Variants in PCDH9 observed in about 807,000 individuals in gnomAD.
The protein encoded by PCDH9 is protocadherin 9.
Under a neutral mutation model 70.6 loss-of-function variants are expected in PCDH9, and 24 were observed. That is an observed-to-expected ratio of 0.34 (90% CI 0.25 to 0.48). The LOEUF (loss-of-function observed/expected upper bound fraction) is 0.48, where lower values mean the gene tolerates loss of function less well. Ranked by LOEUF, PCDH9 falls within the 20% of genes least tolerant of loss-of-function variation. The pLI is 0.99. For missense variants in PCDH9, 1,281 were observed against 1,503.6 expected (o/e 0.85, Z 2.45); for synonymous variants, 562 against 558.5 (o/e 1.01, Z -0.09).
intron 3 of PCDH9, among the ~76,000 whole-genome samples, chr13:66,779,911 T>C (rs2079970724): frequency 8.6e-6 from 1 of 115,790 alleles, no homozygotes; most frequent in East Asian, 2.7e-4. Flanking sequence ...GTCCGATATA[T>C]AGAGCTAGAG....
chr13:66,627,993 A>G (rs1468584615), intron 4 of PCDH9, among the ~76,000 whole-genome samples: 1 of 152,208 alleles, frequency 6.6e-6, no homozygotes, highest in Non-Finnish European at 1.5e-5. Context: ...ATACTTTAAA[A>G]GCTAGGAAAA....
chr13:66,564,580 C>G (rs2076624975), intron 4 of PCDH9, among the ~76,000 whole-genome samples: 1 of 152,034 alleles, frequency 6.6e-6, no homozygotes, highest in Non-Finnish European at 1.5e-5. Flanking sequence ...CACTGACAAA[C>G]TAAAATCAAC....
intron 2 of PCDH9, among the ~76,000 whole-genome samples, chr13:67,166,416 C>A (rs746140132): frequency 6.6e-6 from 1 of 152,084 alleles, no homozygotes; most frequent in Non-Finnish European, 1.5e-5. Flanking sequence ...ATGATACAAC[C>A]TTGAACAAGT....
intron 4 of PCDH9, among the ~76,000 whole-genome samples, chr13:66,495,587 T>C (rs1959103644): frequency 6.6e-6 from 1 of 152,100 alleles, no homozygotes; most frequent in African/African-American, 2.4e-5. Context: ...AATACATACA[T>C]ACATACATAC....
chr13:66,751,059 C>A (rs1014077757), intron 3 of PCDH9, among the ~76,000 whole-genome samples: 2 of 152,118 alleles, frequency 1.3e-5, no homozygotes, highest in Non-Finnish European at 2.9e-5. Flanking sequence ...CATTCTCATG[C>A]TTTTACTTAA....
chr13:67,040,685 T>TA (rs890096164), intron 2 of PCDH9, among the ~76,000 whole-genome samples: 2 of 151,732 alleles, frequency 1.3e-5, no homozygotes, highest in African/African-American at 4.8e-5. Context: ...ACATTTAGGT[T>TA]AAAAAAAATA....
rs1257636702 is a variant in PCDH9 at position 66,309,284 on chromosome 13, ATAAATTGG to A, written c.3341-4264_3341-4257del. On this transcript the variant is annotated intron_variant, in intron 4 of 4. Transcript: ENST00000377865. ...TGTTTTCTTCCTTAAAGTCAGTGTCATAAATTGGTAAAAAGAAAAAGTATATGTTTTTT... is the reference window on the plus strand; with the variant it reads ...TGTTTTCTTCCTTAAAGTCAGTGTCATAAAAAGAAAAAGTATATGTTTTTT... Among the ~76,000 whole-genome samples the A allele has an allele frequency of 2.3e-4, 35 of 152,212 alleles. No homozygotes were observed. The East Asian group carries it at 4.8e-3, about 21-fold the overall frequency.
intron 3 of PCDH9, among the ~76,000 whole-genome samples, chr13:66,805,863 C>T (rs1321466692): frequency 6.6e-6 from 1 of 152,062 alleles, no homozygotes; most frequent in Non-Finnish European, 1.5e-5. Context: ...TGCCAAATAC[C>T]ACAGTAGTTC....
intron 3 of PCDH9, among the ~76,000 whole-genome samples, chr13:66,792,937 A>G (rs1446843457): frequency 6.6e-6 from 1 of 152,148 alleles, no homozygotes; most frequent in Non-Finnish European, 1.5e-5. Flanking sequence ...AATCACAAAA[A>G]TAATTTAGAA....
At chr13:66,793,255 T>C (rs143273318) in intron 3 of PCDH9, among the ~76,000 whole-genome samples, 3 of 152,332 alleles carry the variant, frequency 2.0e-5, no homozygotes, top group East Asian at 3.9e-4. Context: ...GGACTATTCA[T>C]GTTAATTAAC....
chr13:66,723,716 C>A (rs1348923488), intron 3 of PCDH9, among the ~76,000 whole-genome samples: 2 of 151,878 alleles, frequency 1.3e-5, no homozygotes, highest in Non-Finnish European at 2.9e-5. Flanking sequence ...CAAAAAGAAG[C>A]AAAAGAGAAG....
At chr13:66,611,032 T>C (rs2077288187) in intron 4 of PCDH9, among the ~76,000 whole-genome samples, 1 of 152,160 alleles carries the variant, frequency 6.6e-6, no homozygotes, top group Admixed American at 6.5e-5. Context: ...CAAGTTTTCT[T>C]ACATTATTCT....
chr13:66,479,673 G>A (rs929384146), intron 4 of PCDH9, among the ~76,000 whole-genome samples: 1 of 152,152 alleles, frequency 6.6e-6, no homozygotes, highest in Admixed American at 6.5e-5. Flanking sequence ...CTGTAAAAAT[G>A]CACCAATCAG....
intron 4 of PCDH9, among the ~76,000 whole-genome samples, chr13:66,448,678 T>C (rs1239485775): frequency 6.6e-6 from 1 of 152,156 alleles, no homozygotes; most frequent in Admixed American, 6.5e-5. Flanking sequence ...TTAGACCATA[T>C]ATTAAAAGTA....
intron 4 of PCDH9, among the ~76,000 whole-genome samples, chr13:66,441,499 C>T (rs903992214): frequency 6.6e-6 from 1 of 152,074 alleles, no homozygotes; most frequent in Non-Finnish European, 1.5e-5. Flanking sequence ...TAAATAAATT[C>T]TGTTATTCTA....
At chr13:66,660,481 T>C (rs192702800) in intron 3 of PCDH9, among the ~76,000 whole-genome samples, 54 of 152,324 alleles carry the variant, frequency 3.5e-4, no homozygotes, top group African/African-American at 1.1e-3. Flanking sequence ...TACTCATATA[T>C]CTGATTTCAA....
chr13:67,041,029 G>A (rs2085103237), intron 2 of PCDH9, among the ~76,000 whole-genome samples: 1 of 151,570 alleles, frequency 6.6e-6, no homozygotes, highest in African/African-American at 2.4e-5. Flanking sequence ...TGCTCAATGA[G>A]GAGAAAAAGC....
At chr13:66,559,817 A>AAAAATATAT (rs71677008) in intron 4 of PCDH9, among the ~76,000 whole-genome samples, 2 of 93,104 alleles carry the variant, frequency 2.1e-5, no homozygotes, top group Admixed American at 1.4e-4. Context: ...AAAAAAAAAA[A>AAAAATATAT]ATATATATAT....
chr13:66,695,119 G>C (rs1361987642), intron 3 of PCDH9, among the ~76,000 whole-genome samples: 2 of 152,084 alleles, frequency 1.3e-5, no homozygotes, highest in Non-Finnish European at 2.9e-5. Context: ...TAGCCAGGAT[G>C]GTCTCGCTCT....
Sources: allele counts gnomAD v4.1 joint callset (sites outside exome capture counted in the v4.1 genomes callset), GRCh38; gene constraint gnomAD v4.1.1; transcripts MANE v1.5; gene names NCBI Gene and HGNC (gene_info 2026-07-23, HGNC 2026-07-21).